The following ABRAXAS1 variants were observed in gnomAD, a reference collection of about 807,000 sequenced individuals.
The protein encoded by ABRAXAS1 is abraxas 1, BRCA1 A complex subunit, also known as BRCA1-A complex subunit Abraxas 1.
A neutral mutation model predicts 38.4 loss-of-function variants in ABRAXAS1; 26 were observed. That is an observed-to-expected ratio of 0.68 (90% CI 0.50 to 0.94). ABRAXAS1 has a LOEUF of 0.94. ABRAXAS1 is among the 40% of genes least tolerant of loss of function. The pLI, the probability that ABRAXAS1 is intolerant of heterozygous loss-of-function variation, is 0.00. For missense variants in ABRAXAS1, 438 were observed against 481.9 expected (o/e 0.91, Z 0.85); for synonymous variants, 144 against 165.5 (o/e 0.87, Z 1.00).
intron 8 of ABRAXAS1, 104 bp from the exon 9 acceptor site, chr4:83,463,006 G>T: frequency 1.3e-6 from 1 of 748,050 alleles, no homozygotes; most frequent in African/African-American, 1.8e-5. Context: ...TTTAACAGTT[G>T]TATTATCTAA....
At chr4:83,480,265 CG>C in intron 2 of ABRAXAS1, 1 of 320,246 alleles carries the variant, frequency 3.1e-6, no homozygotes, top group South Asian at 2.3e-5. Flanking sequence ...CCAGCTACTC[CG>C]GAGGCCGAGG....
At chr4:83,467,328 C>G (rs1722402635) in intron 7 of ABRAXAS1, 126 bp downstream of exon 7, 2 of 629,964 alleles carry the variant, frequency 3.2e-6, no homozygotes, top group South Asian at 3.6e-5. Flanking sequence ...GGTACATAGC[C>G]TTCATTAAGC....
chr4:83,484,251 A>G (rs1723097228), intron 1 of ABRAXAS1: 1 of 974,498 alleles, frequency 1.0e-6, no homozygotes, highest in Admixed American at 6.2e-5. Flanking sequence ...TCAGCAGGGT[A>G]TTCTCCGAAC....
chr4:83,465,632 C>CA (rs1442707246), intron 7 of ABRAXAS1, among the ~76,000 whole-genome samples: 2 of 151,958 alleles, frequency 1.3e-5, no homozygotes, highest in African/African-American at 2.4e-5. Flanking sequence ...ACACAAAATA[C>CA]AAAAAATTAG....
Position 83,460,145 on chromosome 4 carries a change from C to A in ABRAXAS1, c.*2324G>T. On this transcript the variant is annotated 3_prime_UTR_variant, in exon 9 of 9. Coordinates refer to ENST00000321945, the MANE Select transcript of ABRAXAS1 (RefSeq NM_139076.3). ...GCTCCCTTTTTATCTTGATTAGGTT[C>A]ATCATATACAAATGCCACTTTTTTT... 1 of 161,206 alleles carries A rather than the reference C, an allele frequency of 6.2e-6. No individual in the cohort carries two copies. The highest frequency in any genetic ancestry group is 1.3e-5 in the Non-Finnish European group (1 of 75,988). 10.0% of individuals were successfully genotyped at this position (161,206 alleles called of 1,614,324 possible). A position where few individuals can be genotyped will look rare whatever the true frequency, so the allele number is the denominator to read the frequency against.
intron 7 of ABRAXAS1, among the ~76,000 whole-genome samples, chr4:83,464,412 G>A (rs1223800029): frequency 6.6e-6 from 1 of 152,114 alleles, no homozygotes; most frequent in Non-Finnish European, 1.5e-5. Flanking sequence ...AACTTTTGAT[G>A]CCATAATTCC....
At chr4:83,474,410 C>CT (rs1722692015) in intron 3 of ABRAXAS1, among the ~76,000 whole-genome samples, 2 of 151,862 alleles carry the variant, frequency 1.3e-5, no homozygotes, top group Admixed American at 1.3e-4. Context: ...TCTTACAACC[C>CT]TTTAAAAATG....
At chr4:83,467,354 A>G in intron 7 of ABRAXAS1, 100 bp downstream of exon 7, 1 of 737,932 alleles carries the variant, frequency 1.4e-6, no homozygotes, top group Non-Finnish European at 2.4e-6. Context: ...ATAACTGTAT[A>G]AATCTAATCA....
intron 5 of ABRAXAS1, chr4:83,469,551 A>C (rs1189674050): frequency 1.0e-5 from 2 of 191,208 alleles, no homozygotes; most frequent in African/African-American, 2.3e-5. Context: ...TTGGCCTCCC[A>C]AAGTGCTGGG....
chr4:83,464,094 G>A (rs899636762), intron 7 of ABRAXAS1, among the ~76,000 whole-genome samples: 17 of 152,158 alleles, frequency 1.1e-4, no homozygotes, highest in African/African-American at 4.1e-4. Context: ...GACTGAGGCA[G>A]GTGAATCGCT....
intron 3 of ABRAXAS1, among the ~76,000 whole-genome samples, chr4:83,474,498 G>A (rs1226652363): frequency 2.6e-5 from 4 of 152,094 alleles, no homozygotes; most frequent in Admixed American, 1.3e-4. Context: ...TGGATCACGA[G>A]GTCAAGAGAT....
rs1250815275 is a variant in ABRAXAS1 at position 83,471,188 on chromosome 4, CATCTTTTTTTTT to C, written c.283-804_283-793del. 1.4e-4 allele frequency among the ~76,000 whole-genome samples: 14 copies of C among 101,670 alleles called. No homozygotes were observed. In the South Asian group the frequency reaches 2.4e-3, roughly 17 times the overall value. The allele number at this position is 101,670 out of a possible 152,430, so 66.7% of individuals were successfully genotyped here. A position where few individuals can be genotyped will look rare whatever the true frequency, so the allele number is the denominator to read the frequency against. On this transcript the variant is annotated intron_variant, in intron 4 of 8. Transcript: ENST00000321945. ...AGCCAAACATATTTGTTGAAAGAAA[CATCTTTTTTTTT>C]TTTTTTTTTTTTTTTTTTTTTTTGA...
At chr4:83,481,081 G>A (rs924929515) in intron 2 of ABRAXAS1, among the ~76,000 whole-genome samples, 4 of 151,884 alleles carry the variant, frequency 2.6e-5, no homozygotes, top group Admixed American at 2.0e-4. Flanking sequence ...GCAGTGAGCC[G>A]GGATTGCGCC....
rs1415250554 is a variant in ABRAXAS1, at chr4:83,461,082, C to T, written c.*1387G>A. The T allele has an allele frequency of 1.2e-6, 2 of 1,612,430 alleles. No individual in the cohort carries two copies. The highest frequency in any genetic ancestry group is 1.7e-6 in the Non-Finnish European group (2 of 1,178,706). Reference sequence around the variant, plus strand: ...GAATTGAGCTAGCTGAAATTTTGCTCATTATGTTTTGTCAAGAACTTTAAT... The same window carrying T: ...GAATTGAGCTAGCTGAAATTTTGCTTATTATGTTTTGTCAAGAACTTTAAT... On this transcript the variant is annotated 3_prime_UTR_variant, in exon 9 of 9. Transcript: ENST00000321945.
chr4:83,480,592 T>A (rs1460948732), intron 2 of ABRAXAS1, among the ~76,000 whole-genome samples: 1 of 152,156 alleles, frequency 6.6e-6, no homozygotes, highest in Non-Finnish European at 1.5e-5. Flanking sequence ...TACAAACTGA[T>A]ATAATCTTTC....
chr4:83,463,635 T>C, intron 7 of ABRAXAS1, 27 bp from the exon 8 acceptor site: 2 of 1,360,314 alleles, frequency 1.5e-6, no homozygotes, highest in South Asian at 1.2e-5. Context: ...TTTAAGGGCA[T>C]AGGTAATATT....
intron 2 of ABRAXAS1, among the ~76,000 whole-genome samples, chr4:83,480,564 AATAAC>A (rs1334363181): frequency 6.6e-6 from 1 of 152,230 alleles, no homozygotes; most frequent in Non-Finnish European, 1.5e-5. Flanking sequence ...AGCAAACAAA[AATAAC>A]ATACAGTATG....
intron 2 of ABRAXAS1, chr4:83,480,333 C>T (rs187450657): frequency 2.5e-6 from 1 of 405,566 alleles, no homozygotes; most frequent in East Asian, 8.9e-5. Context: ...GATCATGCCA[C>T]TTCACTCCAG....
chr4:83,471,739 G>A (rs370335167), intron 4 of ABRAXAS1, among the ~76,000 whole-genome samples: 6 of 151,910 alleles, frequency 3.9e-5, no homozygotes, highest in South Asian at 4.2e-4. Flanking sequence ...GTGTGGTGGC[G>A]GGTGCCTATA....
Sources: gnomAD v4.1 joint callset for allele counts (sites outside exome capture counted in the v4.1 genomes callset) on GRCh38, gnomAD v4.1.1 for gene constraint, MANE v1.5 for transcripts, NCBI Gene and HGNC (gene_info 2026-07-23, HGNC 2026-07-21) for gene names.